LRCH1: variants seen among roughly 807,000 people sequenced by gnomAD.
LRCH1 encodes leucine rich repeats and calponin homology domain containing 1, also known as leucine-rich repeat and calponin homology domain-containing protein 1.
Under a neutral mutation model 94.9 loss-of-function variants are expected in LRCH1, and 23 were observed. The observed-to-expected ratio is 0.24, with a 90% confidence interval of 0.17 to 0.34. LRCH1 has a LOEUF of 0.34. LRCH1 is among the 10% of genes least tolerant of loss of function. LRCH1 has a pLI of 1.00. For synonymous variants in LRCH1, 364 were observed against 354.9 expected, an observed-to-expected ratio of 1.03 and a Z score of -0.29; for missense variants, 790 against 945.9, an observed-to-expected ratio of 0.84 and a Z score of 2.16.
chr13:46,645,305 G>C (rs2051206739), intron 1 of LRCH1, among the ~76,000 whole-genome samples: 1 of 152,102 alleles, frequency 6.6e-6, no homozygotes, highest in Admixed American at 6.5e-5. Flanking sequence ...TTTTTCCCAA[G>C]TTTGAAAACA....
At chr13:46,701,644 G>T (rs1871480435) in intron 11 of LRCH1, among the ~76,000 whole-genome samples, 1 of 152,164 alleles carries the variant, frequency 6.6e-6, no homozygotes, top group African/African-American at 2.4e-5. Flanking sequence ...GTTAACTGAA[G>T]AATATATTTC....
At chr13:46,561,703 G>A (rs2050131833) in intron 1 of LRCH1, among the ~76,000 whole-genome samples, 1 of 152,150 alleles carries the variant, frequency 6.6e-6, no homozygotes, top group Admixed American at 6.5e-5. Context: ...TCAACACACT[G>A]CTTGGCTTGC....
chr13:46,679,076 T>C (rs1387894171), intron 3 of LRCH1, among the ~76,000 whole-genome samples: 1 of 152,236 alleles, frequency 6.6e-6, no homozygotes, highest in Admixed American at 6.5e-5. Flanking sequence ...GTGCTGTCAC[T>C]CACAAGACTG....
In LRCH1 at chr13:46,706,079, C is replaced by T. The variant is rs114441331; in HGVS notation, c.1527+775C>T. ...TACTATAGTAAAGCGGTTTCACGCT[C>T]TTAACTTTGTCTCTATGTTAAAGAA... is the stretch of plus-strand genomic sequence containing the variant. On this transcript the variant is annotated intron_variant, in intron 13 of 19. Transcript: ENST00000389797. 3.4e-3 allele frequency among the ~76,000 whole-genome samples: 525 copies of T among 152,326 alleles called. 4 individuals are homozygous for T. Among genetic ancestry groups the T allele is most frequent in the African/African-American group, 0.012 (495 of 41,578 alleles).
intron 18 of LRCH1, 52 bp from the exon 19 acceptor site, chr13:46,733,869 A>G (rs1873234846): frequency 1.8e-6 from 2 of 1,126,114 alleles, no homozygotes; most frequent in East Asian, 2.7e-5. Context: ...CATGTTATTA[A>G]AATGGTTTCT....
At chr13:46,658,531 G>A (rs2138095796) in intron 2 of LRCH1, among the ~76,000 whole-genome samples, 2 of 152,278 alleles carry the variant, frequency 1.3e-5, no homozygotes, top group South Asian at 4.2e-4. Context: ...TCAGGCCGGA[G>A]TGCAGTGGTG....
Position 46,630,127 on chromosome 13 carries a change from T to G in LRCH1, c.308-20074T>G, listed in dbSNP as rs552161957. ...GGCAACTGATTGACTTTAGTTTTCTTTTTTGCTATATTCTTGCCACTCACT... is the reference window on the plus strand; with the variant it reads ...GGCAACTGATTGACTTTAGTTTTCTGTTTTGCTATATTCTTGCCACTCACT... On this transcript the variant is annotated intron_variant, in intron 1 of 19. Transcript: ENST00000389797. Among the ~76,000 whole-genome samples the G allele has an allele frequency of 3.9e-5, 6 of 152,328 alleles. No homozygotes were observed. The East Asian group carries it at 1.2e-3, about 29-fold the overall frequency.
At chr13:46,589,928 T>A (rs73190977) in intron 1 of LRCH1, among the ~76,000 whole-genome samples, 9,767 of 150,870 alleles carry the variant, frequency 0.065, 407 homozygotes, top group East Asian at 0.21. Flanking sequence ...TGACATTGAC[T>A]TTAGAAAGAG....
At chr13:46,563,079 G>A (rs969752688) in intron 1 of LRCH1, among the ~76,000 whole-genome samples, 2 of 152,170 alleles carry the variant, frequency 1.3e-5, no homozygotes, top group African/African-American at 4.8e-5. Context: ...AAAATCAAAT[G>A]AGTTATAGTG....
intron 1 of LRCH1, among the ~76,000 whole-genome samples, chr13:46,624,361 G>A (rs2050919568): frequency 6.6e-6 from 1 of 152,210 alleles, no homozygotes; most frequent in South Asian, 2.1e-4. Context: ...ATTAAGGAAA[G>A]CACTTTGGGA....
intron 3 of LRCH1, among the ~76,000 whole-genome samples, chr13:46,671,403 G>A (rs1340945125): frequency 6.6e-6 from 1 of 152,206 alleles, no homozygotes; most frequent in Non-Finnish European, 1.5e-5. Context: ...CAGGTGCCTG[G>A]CACCTGATAG....
chr13:46,616,522 G>C (rs1032065119), intron 1 of LRCH1, among the ~76,000 whole-genome samples: 1 of 152,142 alleles, frequency 6.6e-6, no homozygotes, highest in Non-Finnish European at 1.5e-5. Flanking sequence ...GAAAATGAAA[G>C]TGTAATGTCT....
chr13:46,630,065 A>G lies in LRCH1; in HGVS notation c.308-20136A>G, dbSNP rs138099840. Among the ~76,000 whole-genome samples the G allele has an allele frequency of 2.8e-3, 433 of 152,340 alleles. 6 individuals carry two copies. Among genetic ancestry groups the G allele is most frequent in the African/African-American group, 9.9e-3 (412 of 41,586 alleles). Reference sequence around the variant, plus strand: ...TTCCTTAGAGCTTGTGAGTCTAACAATTTTGATGTCAATGGACCTTATTCT... The same window carrying G: ...TTCCTTAGAGCTTGTGAGTCTAACAGTTTTGATGTCAATGGACCTTATTCT... On this transcript the variant is annotated intron_variant, in intron 1 of 19. Transcript: ENST00000389797.
intron 3 of LRCH1, among the ~76,000 whole-genome samples, chr13:46,677,138 G>A (rs1459005426): frequency 1.3e-5 from 2 of 151,964 alleles, no homozygotes; most frequent in Non-Finnish European, 1.5e-5. Flanking sequence ...AGCCGGGCAC[G>A]GTGGCTCACG....
At chr13:46,703,389 C>T (rs1871588618) in intron 11 of LRCH1, among the ~76,000 whole-genome samples, 1 of 152,190 alleles carries the variant, frequency 6.6e-6, no homozygotes, top group South Asian at 2.1e-4. Context: ...TGACAAGTAC[C>T]TACCTTTTAG....
intron 1 of LRCH1, among the ~76,000 whole-genome samples, chr13:46,622,462 G>A (rs575850779): frequency 1.3e-5 from 2 of 152,254 alleles, no homozygotes; most frequent in Admixed American, 6.5e-5. Context: ...AAAAATCAGT[G>A]CAAATCCTGA....
At chr13:46,736,292 G>C (rs1873383003) in intron 19 of LRCH1, among the ~76,000 whole-genome samples, 1 of 152,176 alleles carries the variant, frequency 6.6e-6, no homozygotes, top group Non-Finnish European at 1.5e-5. Context: ...AGAATATTTA[G>C]TGACAAATCA....
rs1232298312 is a variant in LRCH1, at chr13:46,553,437, C to G, written c.41C>G (p.Ala14Gly). 1.9e-6 allele frequency: 3 copies of G among 1,548,844 alleles called. No homozygotes were observed. The highest frequency in any genetic ancestry group is 1.2e-5 in the South Asian group (1 of 83,998). Residue 14 changes from alanine to glycine, a missense_variant, in exon 1 of 20, where the codon GCC becomes GGC. Ala to Gly is a moderately conservative substitution (Grantham distance 60). This residue lies in a region of LRCH1 where 136 missense variants were observed against 143.5 expected (regional missense o/e 0.95). Coordinates refer to ENST00000389797, the MANE Select transcript of LRCH1 (RefSeq NM_001164211.2). Reference protein sequence around the residue: ...PGSEPQPFVPALSVATLHPLH... With the variant: ...PGSEPQPFVPGLSVATLHPLH... ...AGCGAACCCCAACCTTTCGTCCCGG[C>G]CCTTTCGGTAGCTACTCTGCACCCA...
In LRCH1 at chr13:46,743,362, A is replaced by G. The variant is rs1331695869; in HGVS notation, c.*1514A>G. On this transcript the variant is annotated 3_prime_UTR_variant, in exon 20 of 20. Coordinates refer to ENST00000389797, the MANE Select transcript of LRCH1 (RefSeq NM_001164211.2). The stretch of plus-strand genomic sequence containing the variant: ...CAGGAAGCATTCTTTACATGACAGT[A>G]TCTTGAGTTATGTGAGTTTTTTTTC... 1.0e-6 allele frequency: 1 copy of G among 985,718 alleles called. No homozygotes were observed. Among genetic ancestry groups the G allele is most frequent in the African/African-American group, 1.7e-5 (1 of 57,206 alleles). 61.1% of individuals were successfully genotyped at this position (985,718 alleles called of 1,614,324 possible).
Sources: gnomAD v4.1 joint callset for allele counts (sites outside exome capture counted in the v4.1 genomes callset) on GRCh38, gnomAD v4.1.1 for gene constraint, gnomAD v4.1.1 regional missense constraint, MANE v1.5 for transcripts, NCBI Gene and HGNC (gene_info 2026-07-23, HGNC 2026-07-21) for gene names.